ERC2: variants seen among roughly 807,000 people sequenced by gnomAD.
ERC2 encodes ELKS/RAB6-interacting/CAST family member 2, also known as ERC protein 2.
ERC2 carries 42 observed loss-of-function variants against 114.8 expected under a neutral mutation model. That is an observed-to-expected ratio of 0.37 (90% CI 0.29 to 0.47). The LOEUF (loss-of-function observed/expected upper bound fraction) is 0.47. Among genes scored for constraint, ERC2 ranks in the 20% least tolerant of loss-of-function variants. The pLI is 0.99. For missense variants in ERC2, 939 were observed against 1,150.7 expected (o/e 0.82, Z 2.66); for synonymous variants, 454 against 425.5 (o/e 1.07, Z -0.82).
intron 3 of ERC2, among the ~76,000 whole-genome samples, chr3:56,246,110 A>C (rs909380324): frequency 3.3e-5 from 5 of 151,958 alleles, no homozygotes; most frequent in African/African-American, 1.2e-4. Context: ...AAAAAAAAAA[A>C]AAAAACTCAT....
At chr3:55,779,247 C>T (rs966482214) in intron 14 of ERC2, among the ~76,000 whole-genome samples, 10 of 148,110 alleles carry the variant, frequency 6.8e-5, no homozygotes, top group African/African-American at 1.2e-4. Flanking sequence ...TTTGGGAGGC[C>T]GAGGAGGGTG....
intron 3 of ERC2, among the ~76,000 whole-genome samples, chr3:56,190,624 A>C (rs1208820540): frequency 2.0e-5 from 3 of 152,022 alleles, no homozygotes; most frequent in African/African-American, 7.3e-5. Flanking sequence ...TTTTTTGTAG[A>C]GATGAGGTCT....
At chr3:55,879,919 G>C (rs1354001772) in intron 14 of ERC2, among the ~76,000 whole-genome samples, 1 of 152,156 alleles carries the variant, frequency 6.6e-6, no homozygotes, top group African/African-American at 2.4e-5. Flanking sequence ...TAAAATATAA[G>C]CTCCACCAAC....
At chr3:55,843,407 C>T (rs2061220926) in intron 14 of ERC2, among the ~76,000 whole-genome samples, 1 of 152,100 alleles carries the variant, frequency 6.6e-6, no homozygotes, top group Admixed American at 6.5e-5. Flanking sequence ...TACATCAGAT[C>T]ATATGAGACT....
At chr3:56,033,046 A>AAGAAAG (rs1308406894) in intron 7 of ERC2, among the ~76,000 whole-genome samples, 1 of 95,094 alleles carries the variant, frequency 1.1e-5, no homozygotes, top group Non-Finnish European at 2.6e-5. Flanking sequence ...GAAAGAAAGA[A>AAGAAAG]AGAAAGAAAG....
At chr3:55,762,469 C>T (rs2067510556) in intron 14 of ERC2, among the ~76,000 whole-genome samples, 1 of 152,220 alleles carries the variant, frequency 6.6e-6, no homozygotes, top group Admixed American at 6.5e-5. Flanking sequence ...AACAGACACA[C>T]AAATGAATGA....
chr3:55,837,627 T>C (rs2060954925), intron 14 of ERC2, among the ~76,000 whole-genome samples: 1 of 148,544 alleles, frequency 6.7e-6, no homozygotes, highest in Non-Finnish European at 1.5e-5. Flanking sequence ...GGGGTAGGGA[T>C]AGCATTAGGA....
intron 12 of ERC2, among the ~76,000 whole-genome samples, chr3:55,962,399 C>T (rs558802639): frequency 6.6e-6 from 1 of 152,170 alleles, no homozygotes; most frequent in South Asian, 2.1e-4. Flanking sequence ...CAAAAGTAGC[C>T]ACAGACAATA....
At chr3:55,986,335 T>C (rs749952200) in intron 11 of ERC2, among the ~76,000 whole-genome samples, 1 of 152,214 alleles carries the variant, frequency 6.6e-6, no homozygotes, top group Non-Finnish European at 1.5e-5. Context: ...AAAGTTCCTA[T>C]CTGTGTGCAT....
chr3:55,952,751 A>C (rs1429157802), intron 12 of ERC2, among the ~76,000 whole-genome samples: 1 of 152,202 alleles, frequency 6.6e-6, no homozygotes, highest in Non-Finnish European at 1.5e-5. Context: ...TATTACAAAC[A>C]TCATTTGCAC....
At chr3:55,924,957 T>A (rs2065663605) in intron 13 of ERC2, among the ~76,000 whole-genome samples, 1 of 152,174 alleles carries the variant, frequency 6.6e-6, no homozygotes, top group Non-Finnish European at 1.5e-5. Flanking sequence ...TACAGAGAAT[T>A]ATATCCTCAC....
intron 15 of ERC2, among the ~76,000 whole-genome samples, chr3:55,704,750 G>A (rs557791801): frequency 3.9e-4 from 59 of 152,326 alleles, no homozygotes; most frequent in African/African-American, 1.3e-3. Context: ...AAAGGAATGT[G>A]CCGCATTGGG....
intron 2 of ERC2, among the ~76,000 whole-genome samples, chr3:56,325,555 C>T (rs1462039340): frequency 6.6e-6 from 1 of 152,144 alleles, no homozygotes; most frequent in Non-Finnish European, 1.5e-5. Context: ...TACTAGATGT[C>T]TTCTATACAT....
At position 56,007,252 on chromosome 3, in the gene ERC2, A is replaced by T. The variant is rs1190694708; in HGVS notation, c.1990T>A (p.Leu664Ile). The T allele has an allele frequency of 6.3e-7, 1 of 1,590,272 alleles. No homozygotes were observed. Among genetic ancestry groups the T allele is most frequent in the Non-Finnish European group, 8.6e-7 (1 of 1,167,100 alleles). Residue 664 changes from leucine to isoleucine, a missense_variant, in exon 10 of 18, where the codon TTA becomes ATA. Leu to Ile is a conservative substitution (Grantham distance 5). Around this residue, in one of 5 missense-constraint regions of ERC2, gnomAD observed 149 missense variants for 254.6 expected, o/e 0.59. Coordinates refer to ENST00000288221, the MANE Select transcript of ERC2 (RefSeq NM_015576.3). Reference sequence around the variant, plus strand: ...TCAATGGCTATTTCTAGAGATTTTAATTTGGAATCCCTTTTCAGCCCCGCA... The same window carrying T: ...TCAATGGCTATTTCTAGAGATTTTATTTTGGAATCCCTTTTCAGCCCCGCA... The part of the protein sequence containing the change: ...ASAGLKRDSK[L>I]KSLEIAIEQK...
chr3:56,201,761 T>G (rs967737194), intron 3 of ERC2, among the ~76,000 whole-genome samples: 4 of 152,194 alleles, frequency 2.6e-5, no homozygotes, highest in Admixed American at 1.3e-4. Context: ...AATGTTGCTA[T>G]CAGCAAAGAA....
chr3:56,221,954 A>T (rs2049943767), intron 3 of ERC2, among the ~76,000 whole-genome samples: 1 of 152,208 alleles, frequency 6.6e-6, no homozygotes, highest in Non-Finnish European at 1.5e-5. Context: ...TCTACACAAT[A>T]GTACAATGAG....
chr3:56,002,816 G>A (rs1320384515), intron 10 of ERC2, among the ~76,000 whole-genome samples: 1 of 152,152 alleles, frequency 6.6e-6, no homozygotes, highest in Non-Finnish European at 1.5e-5. Flanking sequence ...AGTTCCATAA[G>A]CCTAGATCTT....
chr3:55,767,207 C>T (rs1363100725), intron 14 of ERC2, among the ~76,000 whole-genome samples: 1 of 152,184 alleles, frequency 6.6e-6, no homozygotes, highest in Non-Finnish European at 1.5e-5. Flanking sequence ...TTTAGTGTTC[C>T]AGTGGCATAA....
At position 56,296,377 on chromosome 3, in the gene ERC2, T is replaced by C. The variant is rs377710082; in HGVS notation, c.716A>G (p.Asn239Ser). 2 of 1,613,980 alleles carry C rather than the reference T, an allele frequency of 1.2e-6. No individual in the cohort carries two copies. The highest frequency in any genetic ancestry group is 3.3e-5 in the Admixed American group (2 of 60,018). The change falls in exon 3 of 18, where the codon AAC becomes AGC. Residue 239 changes from asparagine to serine, a missense_variant. Around this residue, in one of 5 missense-constraint regions of ERC2, gnomAD observed 281 missense variants for 307.4 expected, o/e 0.91. Coordinates refer to ENST00000288221, the MANE Select transcript of ERC2 (RefSeq NM_015576.3). ...QDELRTQRDL[N>S]HLLQQESGNR... ...GCCACTCTCTTGCTGGAGGAGGTGG[T>C]TGAGGTCTCTCTGGGTTCGCAGCTC...
Sources: allele counts gnomAD v4.1 joint callset (sites outside exome capture counted in the v4.1 genomes callset), GRCh38; gene constraint gnomAD v4.1.1; regional missense constraint gnomAD v4.1.1; transcripts MANE v1.5; gene names NCBI Gene and HGNC (gene_info 2026-07-23, HGNC 2026-07-21).